The following DLC1 variants were observed in gnomAD, a reference collection of about 807,000 sequenced individuals.
DLC1 encodes DLC1 Rho GTPase activating protein, also known as rho GTPase-activating protein 7.
A neutral mutation model predicts 140.3 loss-of-function variants in DLC1; 54 were observed. The observed-to-expected ratio is 0.38, with a 90% confidence interval of 0.31 to 0.48. The LOEUF (loss-of-function observed/expected upper bound fraction) is 0.48. DLC1 is among the 20% of genes least tolerant of loss of function. The pLI, the probability that DLC1 is intolerant of heterozygous loss-of-function variation, is 0.96. For synonymous variants in DLC1, 986 were observed against 728.1 expected (o/e 1.35, Z -5.70); for missense variants, 2,536 against 1,907.0 (o/e 1.33, Z -6.14).
chr8:13,154,178 C>G (rs1445235559), intron 5 of DLC1, among the ~76,000 whole-genome samples: 1 of 152,352 alleles, frequency 6.6e-6, no homozygotes, highest in African/African-American at 2.4e-5. Context: ...CTGGCTTCCC[C>G]TAGTGGATCC....
rs573560244 is a variant in DLC1 at position 13,213,877 on chromosome 8, G to A, written c.1348+91392C>T. On this transcript the variant is annotated intron_variant, in intron 5 of 17. Coordinates refer to ENST00000276297, the MANE Select transcript of DLC1 (RefSeq NM_182643.3). ...CAGTTCACTGCAACCTCTGCCTTCCGAGTTAAAGCGATTCTCATGCCTCAG... is the reference window on the plus strand; with the variant it reads ...CAGTTCACTGCAACCTCTGCCTTCCAAGTTAAAGCGATTCTCATGCCTCAG... Among the ~76,000 whole-genome samples the A allele has an allele frequency of 4.0e-5, 6 of 151,586 alleles. No individual in the cohort carries two copies. The South Asian group carries it at 6.3e-4, about 16-fold the overall frequency.
intron 2 of DLC1, among the ~76,000 whole-genome samples, chr8:13,489,412 TACACACACACACAC>T (rs10558551): frequency 2.3e-5 from 3 of 132,270 alleles, no homozygotes. Flanking sequence ...ACACACACCA[TACACACACACACAC>T]ACACACACAC....
intron 1 of DLC1, among the ~76,000 whole-genome samples, chr8:13,511,986 T>C (rs1158173349): frequency 6.6e-6 from 1 of 152,126 alleles, no homozygotes; most frequent in African/African-American, 2.4e-5. Context: ...TTATATGGTA[T>C]GGGTAGGTAT....
At chr8:13,206,192 C>T (rs945340363) in intron 5 of DLC1, among the ~76,000 whole-genome samples, 3 of 152,136 alleles carry the variant, frequency 2.0e-5, no homozygotes, top group Non-Finnish European at 4.4e-5. Flanking sequence ...TCTAAAGACT[C>T]ATTGAGGAAA....
chr8:13,195,280 CAAA>C (rs34182510), intron 5 of DLC1, among the ~76,000 whole-genome samples: 67,725 of 151,718 alleles, frequency 0.45, 15,750 homozygotes, highest in East Asian at 0.84. Flanking sequence ...TTGAACTTGA[CAAA>C]TGTATTTTGT....
intron 2 of DLC1, among the ~76,000 whole-genome samples, chr8:13,442,120 A>G (rs1024342582): frequency 6.6e-6 from 1 of 152,232 alleles, no homozygotes; most frequent in Non-Finnish European, 1.5e-5. Flanking sequence ...TCCCTATTTA[A>G]TAAATGGTGC....
chr8:13,478,167 C>A (rs1032252781), intron 2 of DLC1, among the ~76,000 whole-genome samples: 1 of 152,128 alleles, frequency 6.6e-6, no homozygotes, highest in Non-Finnish European at 1.5e-5. Context: ...TAGGCATCTG[C>A]TCAGGGAGGC....
At chr8:13,307,779 C>T (rs1319082819) in intron 4 of DLC1, among the ~76,000 whole-genome samples, 1 of 152,150 alleles carries the variant, frequency 6.6e-6, no homozygotes, top group Non-Finnish European at 1.5e-5. Context: ...ATCTTTAGAA[C>T]ACCCTGTAAA....
At chr8:13,509,404 G>T (rs1311539869) in intron 1 of DLC1, among the ~76,000 whole-genome samples, 2 of 152,080 alleles carry the variant, frequency 1.3e-5, no homozygotes, top group Non-Finnish European at 2.9e-5. Flanking sequence ...CCTACCTGGG[G>T]TCAATGTCTC....
chr8:13,464,766 T>TTATATATATATATA (rs1299837929), intron 2 of DLC1, among the ~76,000 whole-genome samples: 1 of 7,546 alleles, frequency 1.3e-4, no homozygotes, highest in Non-Finnish European at 2.8e-4. Context: ...ATATATATAT[T>TTATATATATATATA]TATATATATA....
intron 5 of DLC1, among the ~76,000 whole-genome samples, chr8:13,244,522 C>T (rs1829679679): frequency 6.6e-6 from 1 of 152,056 alleles, no homozygotes; most frequent in South Asian, 2.1e-4. Context: ...TGGTCTCAAA[C>T]TCCTGGCCTA....
chr8:13,249,710 A>G (rs536485510), intron 5 of DLC1, among the ~76,000 whole-genome samples: 2 of 152,274 alleles, frequency 1.3e-5, no homozygotes, highest in East Asian at 1.9e-4. Flanking sequence ...AGTCTCTTCC[A>G]TCCTGATTAA....
At chr8:13,110,883 C>T in intron 6 of DLC1, 60 bp from the exon 7 acceptor site, 3 of 1,470,184 alleles carry the variant, frequency 2.0e-6, no homozygotes, top group Non-Finnish European at 2.9e-6. Flanking sequence ...TGCCAAATAG[C>T]CCAGTTTACC....
At chr8:13,341,761 C>G (rs1349757697) in intron 4 of DLC1, 1 of 152,130 alleles carries the variant, frequency 6.6e-6, no homozygotes, top group East Asian at 1.9e-4. Context: ...TTGTGCAGCT[C>G]TTAGATTGGT....
intron 1 of DLC1, among the ~76,000 whole-genome samples, chr8:13,541,589 G>A (rs1015870676): frequency 6.6e-6 from 1 of 151,978 alleles, no homozygotes; most frequent in Non-Finnish European, 1.5e-5. Context: ...TCACTCTGTC[G>A]CCAAGGCTGG....
In DLC1 at chr8:13,100,661, T is replaced by A; in HGVS notation, c.1676A>T (p.Lys559Ile). The change falls in exon 9 of 18, where the codon AAA (lysine) becomes ATA (isoleucine). Residue 559 changes from lysine to isoleucine, a missense_variant. Lys to Ile is a moderately radical substitution (Grantham distance 102). Transcript: ENST00000276297. ...RLEEFDVFSP[K>I]QDLVPGSPDD... ...TGGGGACCCAGGGACCAGGTCTTGT[T>A]TTGGAGAAAAGACATCAAACTCTTC... The A allele has an allele frequency of 6.2e-7, 1 of 1,614,052 alleles. No homozygotes were observed. The highest frequency in any genetic ancestry group is 1.6e-4 in the Middle Eastern group (1 of 6,062).
At chr8:13,265,661 T>C (rs367866747) in intron 5 of DLC1, among the ~76,000 whole-genome samples, 3 of 152,020 alleles carry the variant, frequency 2.0e-5, no homozygotes, top group African/African-American at 7.2e-5. Context: ...TGTGGGTTTT[T>C]TTTCCTTCCC....
At position 13,100,605 on chromosome 8, in the gene DLC1, G is replaced by T. The variant is rs776252355; in HGVS notation, c.1732C>A (p.Pro578Thr). 3.1e-6 allele frequency: 5 copies of T among 1,614,078 alleles called. No individual in the cohort carries two copies. The Admixed American group carries it at 8.3e-5, about 27-fold the overall frequency. Residue 578 changes from proline to threonine, a missense_variant, in exon 9 of 18, where the codon CCC (proline) becomes ACC (threonine). Transcript: ENST00000276297. ...DDSHPKDGPS[P>T]GGTLMDLSER... ...CTGAGGTCCATCAGCGTGCCTCCGGGGCTGGGGCCGTCCTTCGGGTGGGAG... is the reference window on the plus strand; with the variant it reads ...CTGAGGTCCATCAGCGTGCCTCCGGTGCTGGGGCCGTCCTTCGGGTGGGAG...
At chr8:13,545,840 A>C (rs1469797570) in intron 1 of DLC1, among the ~76,000 whole-genome samples, 2 of 152,166 alleles carry the variant, frequency 1.3e-5, no homozygotes, top group Non-Finnish European at 2.9e-5. Context: ...CAATTAAAGA[A>C]TTTGGAATCC....
Sources: gnomAD v4.1 joint callset for allele counts (sites outside exome capture counted in the v4.1 genomes callset) on GRCh38, gnomAD v4.1.1 for gene constraint, MANE v1.5 for transcripts, NCBI Gene and HGNC (gene_info 2026-07-23, HGNC 2026-07-21) for gene names.